The following C16orf74 variants were observed in gnomAD, a reference collection of about 807,000 sequenced individuals.
C16orf74 encodes uncharacterized protein C16orf74.
Under a neutral mutation model 6.5 loss-of-function variants are expected in C16orf74, and 10 were observed. The ratio of observed to expected loss-of-function variants is 1.54; its 90% confidence interval spans 0.95 to 2.61. The LOEUF (loss-of-function observed/expected upper bound fraction) is 2.61. Among genes scored for constraint, C16orf74 ranks in the 30% most tolerant of loss-of-function variants. The pLI is 0.00. For synonymous variants in C16orf74, 60 were observed against 42.5 expected, an observed-to-expected ratio of 1.41 and a Z score of -1.60; for missense variants, 141 against 105.9, an observed-to-expected ratio of 1.33 and a Z score of -1.45.
intron 1 of C16orf74, among the ~76,000 whole-genome samples, chr16:85,747,517 G>A (rs2054387659): frequency 6.6e-6 from 1 of 152,078 alleles, no homozygotes. Flanking sequence ...ACCATGGCTG[G>A]GAGGAGCATG....
intron 2 of C16orf74, among the ~76,000 whole-genome samples, chr16:85,734,364 C>T (rs1158864488): frequency 6.6e-6 from 1 of 152,306 alleles, no homozygotes; most frequent in East Asian, 1.9e-4. Flanking sequence ...ACAACTCACA[C>T]CATGCAGGCT....
chr16:85,719,477 G>A (rs545984561), intron 2 of C16orf74, among the ~76,000 whole-genome samples: 9 of 152,262 alleles, frequency 5.9e-5, no homozygotes, highest in East Asian at 3.9e-4. Flanking sequence ...GGCACTGATC[G>A]TTTGATCCTC....
intron 1 of C16orf74, among the ~76,000 whole-genome samples, chr16:85,746,695 C>G (rs2054377050): frequency 6.6e-6 from 1 of 152,252 alleles, no homozygotes; most frequent in Admixed American, 6.5e-5. Flanking sequence ...GGCTCCAATC[C>G]CAGTGGGGCA....
At chr16:85,713,839 T>C (rs1325023160) in intron 2 of C16orf74, among the ~76,000 whole-genome samples, 2 of 152,188 alleles carry the variant, frequency 1.3e-5, no homozygotes, top group East Asian at 1.9e-4. Flanking sequence ...GTTGGTGCTG[T>C]CCATGGCTCC....
At chr16:85,708,183 A>G (rs1477413821) in intron 3 of C16orf74, 117 bp from the exon 4 acceptor site, 2 of 856,184 alleles carry the variant, frequency 2.3e-6, no homozygotes, top group Admixed American at 2.2e-5. Context: ...TGGTGCTGCC[A>G]GAGGCTGAGA....
intron 1 of C16orf74, among the ~76,000 whole-genome samples, chr16:85,748,146 G>GTGTATATATATATGTGTATA (rs2054395054): frequency 2.8e-5 from 2 of 71,450 alleles, no homozygotes; most frequent in African/African-American, 3.0e-5. Flanking sequence ...ATATGTGTGT[G>GTGTATATATATATGTGTATA]TATATATATA....
At chr16:85,721,978 CTTTTTTTTTTTTTTTTT>C (rs146218477) in intron 2 of C16orf74, among the ~76,000 whole-genome samples, 21 of 91,128 alleles carry the variant, frequency 2.3e-4, no homozygotes, top group African/African-American at 8.5e-4. Context: ...AGATTCTAAC[CTTTTTTTTTTTTTTTTT>C]TTTTTTTTTA....
chr16:85,726,203 G>A (rs561993342), intron 2 of C16orf74, among the ~76,000 whole-genome samples: 15 of 152,194 alleles, frequency 9.9e-5, no homozygotes, highest in Non-Finnish European at 1.8e-4. Context: ...AGCCTGCTGG[G>A]TGTGTGTTTG....
At chr16:85,714,713 C>T (rs939990529) in intron 2 of C16orf74, among the ~76,000 whole-genome samples, 4 of 151,754 alleles carry the variant, frequency 2.6e-5, no homozygotes, top group South Asian at 2.1e-4. Flanking sequence ...CCACCGTGCC[C>T]GGCCTTGGAA....
At chr16:85,733,574 A>G (rs900334207) in intron 2 of C16orf74, among the ~76,000 whole-genome samples, 2 of 152,144 alleles carry the variant, frequency 1.3e-5, no homozygotes, top group African/African-American at 4.8e-5. Context: ...TTTTTTAAAG[A>G]AGAAAAGTAT....
At chr16:85,725,258 G>A (rs765585703) in intron 2 of C16orf74, among the ~76,000 whole-genome samples, 1 of 152,168 alleles carries the variant, frequency 6.6e-6, no homozygotes, top group Non-Finnish European at 1.5e-5. Flanking sequence ...CCTGGGCAGA[G>A]ATCTGTTCAG....
At chr16:85,733,153 G>C (rs2054208336) in intron 2 of C16orf74, among the ~76,000 whole-genome samples, 1 of 152,238 alleles carries the variant, frequency 6.6e-6, no homozygotes, top group African/African-American at 2.4e-5. Context: ...AAACAACCCA[G>C]TGTCCATCGT....
intron 2 of C16orf74, among the ~76,000 whole-genome samples, chr16:85,719,410 C>T (rs976259015): frequency 2.6e-5 from 4 of 152,058 alleles, no homozygotes; most frequent in Non-Finnish European, 4.4e-5. Context: ...GAGGGGCCCA[C>T]GATGCTGAGC....
At chr16:85,718,772 G>GCTAA (rs2054050173) in intron 2 of C16orf74, among the ~76,000 whole-genome samples, 1 of 152,254 alleles carries the variant, frequency 6.6e-6, no homozygotes. Flanking sequence ...ACGAGTTGAT[G>GCTAA]CTAAGCTTAG....
At chr16:85,749,661 G>T (rs943861189) in intron 1 of C16orf74, among the ~76,000 whole-genome samples, 12 of 152,256 alleles carry the variant, frequency 7.9e-5, no homozygotes, top group African/African-American at 2.7e-4. Context: ...AAAACGCAGG[G>T]TCTGGTGCAT....
intron 3 of C16orf74, among the ~76,000 whole-genome samples, chr16:85,709,386 G>A (rs1226786439): frequency 6.6e-6 from 1 of 151,826 alleles, no homozygotes; most frequent in East Asian, 1.9e-4. Context: ...AATAAAATGG[G>A]GATGAAATCT....
In C16orf74 at chr16:85,708,082, G is replaced by C; in HGVS notation, c.173-16C>G. ...TCCAGCCAGACTAGGAGAAAGAGGG[G>C]ATGGACACCTGGATGCACCCTGCCC... is the stretch of plus-strand genomic sequence containing the variant. On this transcript the variant is annotated splice_polypyrimidine_tract_variant and intron_variant, in intron 3 of 3. Transcript: ENST00000284245. 6.4e-7 allele frequency: 1 copy of C among 1,550,686 alleles called. No homozygotes were observed. Among genetic ancestry groups the C allele is most frequent in the Non-Finnish European group, 8.7e-7 (1 of 1,145,622 alleles).
At chr16:85,709,903 G>T (rs1197907732) in intron 3 of C16orf74, among the ~76,000 whole-genome samples, 1 of 152,114 alleles carries the variant, frequency 6.6e-6, no homozygotes, top group Non-Finnish European at 1.5e-5. Flanking sequence ...TGGCGGGCCA[G>T]CCCGGCCCCA....
chr16:85,740,286 G>A (rs1473462137), intron 1 of C16orf74, among the ~76,000 whole-genome samples: 1 of 151,514 alleles, frequency 6.6e-6, no homozygotes, highest in African/African-American at 2.4e-5. Context: ...AGGCATGGTG[G>A]CTCACGCCTT....
Sources: allele counts gnomAD v4.1 joint callset (sites outside exome capture counted in the v4.1 genomes callset), GRCh38; gene constraint gnomAD v4.1.1; transcripts MANE v1.5; gene names NCBI Gene and HGNC (gene_info 2026-07-23, HGNC 2026-07-21).